RAB27B: variants seen among roughly 807,000 people sequenced by gnomAD.
RAB27B encodes RAB27B, member RAS oncogene family.
RAB27B carries 15 observed loss-of-function variants against 24.6 expected under a neutral mutation model. The ratio of observed to expected loss-of-function variants is 0.61; its 90% CI spans 0.41 to 0.94. RAB27B has a LOEUF of 0.94. Among genes scored for constraint, RAB27B ranks in the 40% least tolerant of loss-of-function variants. The pLI is 0.00. For synonymous variants in RAB27B, 105 were observed against 92.5 expected, an observed-to-expected ratio of 1.14 and a Z score of -0.78; for missense variants, 261 against 266.8, an observed-to-expected ratio of 0.98 and a Z score of 0.15.
intron 2 of RAB27B, among the ~76,000 whole-genome samples, chr18:54,724,608 G>A (rs1194551414): frequency 2.0e-5 from 3 of 151,250 alleles, no homozygotes; most frequent in African/African-American, 7.3e-5. Flanking sequence ...CCTGAGGTGG[G>A]AGAATTGCTT....
At chr18:54,800,180 A>ACCACC in intron 2 of RAB27B, among the ~76,000 whole-genome samples, 1 of 152,326 alleles carries the variant, frequency 6.6e-6, no homozygotes. Context: ...GCAGCTCTAA[A>ACCACC]CCACCACACT....
At chr18:54,726,010 C>T (rs1328134362) in intron 2 of RAB27B, among the ~76,000 whole-genome samples, 2 of 151,558 alleles carry the variant, frequency 1.3e-5, no homozygotes, top group Non-Finnish European at 2.9e-5. Context: ...GACAGCTCAT[C>T]TATGAGACCT....
At chr18:54,808,846 ATATC>A (rs1055797748) in intron 2 of RAB27B, among the ~76,000 whole-genome samples, 3 of 152,350 alleles carry the variant, frequency 2.0e-5, no homozygotes, top group African/African-American at 7.2e-5. Context: ...AAAATAATAG[ATATC>A]TAGCTGTGCT....
At chr18:54,769,046 A>G (rs1386510686) in intron 2 of RAB27B, among the ~76,000 whole-genome samples, 1 of 152,112 alleles carries the variant, frequency 6.6e-6, no homozygotes, top group Non-Finnish European at 1.5e-5. Flanking sequence ...AGTCCCCCAA[A>G]GTCTTAACTC....
Position 54,792,614 on chromosome 18 carries a change from A to G in RAB27B, c.-20+74473A>G, listed in dbSNP as rs761599867. Reference sequence around the variant, plus strand: ...AGACCCTGGTTTTCTAAATAATCGTATTATTTGTTTCCTCTAGTTATTACT... The same window carrying G: ...AGACCCTGGTTTTCTAAATAATCGTGTTATTTGTTTCCTCTAGTTATTACT... On this transcript the variant is annotated intron_variant, in intron 2 of 4. Coordinates refer to the RAB27B transcript ENST00000586570. Among the ~76,000 whole-genome samples, 77 of 152,158 alleles carry G rather than the reference A, an allele frequency of 5.1e-4. 1 individual carries two copies. Among genetic ancestry groups the G allele is most frequent in the Admixed American group, 2.0e-4 (3 of 15,274 alleles).
intron 2 of RAB27B, among the ~76,000 whole-genome samples, chr18:54,787,222 A>C (rs1909115026): frequency 6.6e-6 from 1 of 152,216 alleles, no homozygotes; most frequent in Non-Finnish European, 1.5e-5. Flanking sequence ...CAGCTCGTCC[A>C]GGTTTATTTC....
At chr18:54,859,348 C>G (rs1334092974) in intron 1 of RAB27B, among the ~76,000 whole-genome samples, 1 of 152,074 alleles carries the variant, frequency 6.6e-6, no homozygotes, top group African/African-American at 2.4e-5. Flanking sequence ...TATGAAGGTC[C>G]CTGTCCCAAC....
upstream of RAB27B, among the ~76,000 whole-genome samples, chr18:54,827,351 A>G (rs1598934991): frequency 6.6e-6 from 1 of 152,236 alleles, no homozygotes; most frequent in African/African-American, 2.4e-5. Context: ...CAATAACACT[A>G]TGAAGACATT....
intron 3 of RAB27B, among the ~76,000 whole-genome samples, chr18:54,882,759 T>C (rs1384254126): frequency 5.3e-5 from 8 of 152,204 alleles, no homozygotes; most frequent in Admixed American, 4.6e-4. Flanking sequence ...AGGGATGAAG[T>C]TGGATAGATG....
chr18:54,859,461 T>C (rs1309126242), intron 1 of RAB27B, among the ~76,000 whole-genome samples: 3 of 150,962 alleles, frequency 2.0e-5, no homozygotes, highest in Non-Finnish European at 4.4e-5. Flanking sequence ...TTCATAACTT[T>C]TATCAGCCAA....
rs117717251 is a variant in RAB27B at position 54,812,219 on chromosome 18, G to A, written c.-19-65348G>A. Among the ~76,000 whole-genome samples, 303 of 152,190 alleles carry A rather than the reference G, an allele frequency of 2.0e-3. 4 individuals are homozygous for A. Among genetic ancestry groups the A allele is most frequent in the East Asian group, 0.016 (83 of 5,176 alleles). On this transcript the variant is annotated intron_variant, in intron 2 of 4. Transcript: ENST00000586570. Reference sequence around the variant, plus strand: ...GTATTAAACAGAATTTTAGAATCTGGGTAATATTGAGATCAATAGTTGGCA... The same window carrying A: ...GTATTAAACAGAATTTTAGAATCTGAGTAATATTGAGATCAATAGTTGGCA...
intron 2 of RAB27B, 96 bp downstream of exon 2, chr18:54,877,834 G>C: frequency 7.8e-7 from 1 of 1,276,540 alleles, no homozygotes; most frequent in Non-Finnish European, 1.1e-6. Flanking sequence ...TCTGTCTTTT[G>C]TCACACGAAA....
At chr18:54,749,221 G>A (rs1907747592) in intron 2 of RAB27B, among the ~76,000 whole-genome samples, 1 of 152,164 alleles carries the variant, frequency 6.6e-6, no homozygotes, top group Non-Finnish European at 1.5e-5. Flanking sequence ...ATTTCAGAAA[G>A]AGTCCCTTCC....
chr18:54,748,795 A>T (rs564789774), intron 2 of RAB27B, among the ~76,000 whole-genome samples: 1 of 152,240 alleles, frequency 6.6e-6, no homozygotes, highest in African/African-American at 2.4e-5. Context: ...GGTATACAGC[A>T]TTTATTTTAA....
At position 54,773,053 on chromosome 18, in the gene RAB27B, C is replaced by A. The variant is rs922426961; in HGVS notation, c.-20+54912C>A. Among the ~76,000 whole-genome samples, 14 of 147,876 alleles carry A rather than the reference C, an allele frequency of 9.5e-5. No individual in the cohort carries two copies. In the South Asian group the frequency reaches 2.8e-3, roughly 29 times the overall value. On this transcript the variant is annotated intron_variant, in intron 2 of 4. Transcript: ENST00000586570. ...TAGATCAATTGCCATGCCTATACTT[C>A]TTTTTTTTTTTAAATCTTCACCAAT...
intron 2 of RAB27B, among the ~76,000 whole-genome samples, chr18:54,779,519 A>G (rs549750682): frequency 3.3e-5 from 5 of 152,158 alleles, no homozygotes; most frequent in Non-Finnish European, 5.9e-5. Flanking sequence ...TTAATGCCTC[A>G]TGTTACTAGG....
intron 2 of RAB27B, among the ~76,000 whole-genome samples, chr18:54,755,405 TAAA>T (rs1568053799): frequency 6.6e-6 from 1 of 152,006 alleles, no homozygotes; most frequent in Non-Finnish European, 1.5e-5. Flanking sequence ...ATTAAATAAA[TAAA>T]TAAATAACTT....
intron 2 of RAB27B, among the ~76,000 whole-genome samples, chr18:54,814,236 G>T (rs1169230463): frequency 6.6e-6 from 1 of 152,192 alleles, no homozygotes; most frequent in East Asian, 1.9e-4. Context: ...CAACTACTTT[G>T]TCACAGTTAC....
chr18:54,869,477 A>T (rs539620732), intron 1 of RAB27B, among the ~76,000 whole-genome samples: 6 of 152,260 alleles, frequency 3.9e-5, no homozygotes, highest in Admixed American at 2.0e-4. Context: ...TCATGTCCAG[A>T]TTTTCAAGGT....
Sources: gnomAD v4.1 joint callset for allele counts (sites outside exome capture counted in the v4.1 genomes callset) on GRCh38, gnomAD v4.1.1 for gene constraint, MANE v1.5 for transcripts, NCBI Gene and HGNC (gene_info 2026-07-23, HGNC 2026-07-21) for gene names.